Variants in G3BP2 observed in about 807,000 individuals in gnomAD.
G3BP2 encodes ras GTPase-activating protein-binding protein 2.
G3BP2 carries 11 observed loss-of-function variants against 56.7 expected under a neutral mutation model. The observed-to-expected ratio is 0.19, with a 90% CI of 0.12 to 0.32. The LOEUF (loss-of-function observed/expected upper bound fraction) is 0.32, where lower values mean the gene tolerates loss of function less well. G3BP2 is among the 10% of genes least tolerant of loss of function. The pLI, the probability that G3BP2 is intolerant of heterozygous loss-of-function variation, is 1.00. For synonymous variants in G3BP2, 165 were observed against 191.6 expected (o/e 0.86, Z 1.15); for missense variants, 340 against 610.9 (o/e 0.56, Z 4.67).
At position 75,673,097 on chromosome 4, in the gene G3BP2, C is replaced by T. The variant is rs1172453761; in HGVS notation, c.-25+111G>A. 1.9e-5 allele frequency: 20 copies of T among 1,049,998 alleles called. No individual in the cohort carries two copies. In the Admixed American group the frequency reaches 1.0e-3, roughly 52 times the overall value. The allele number at this position is 1,049,998 out of a possible 1,614,324, so 65.0% of individuals were successfully genotyped here. On this transcript the variant is annotated intron_variant, in intron 1 of 11. Transcript: ENST00000359707. ...CAAGAACAATGTCTCTGCCGCTACACCTCCGGCTCCCGGGCTCACACACCG... is the reference window on the plus strand; with the variant it reads ...CAAGAACAATGTCTCTGCCGCTACATCTCCGGCTCCCGGGCTCACACACCG...
intron 3 of G3BP2, among the ~76,000 whole-genome samples, chr4:75,687,230 C>A (rs1054153426): frequency 6.6e-6 from 1 of 152,062 alleles, no homozygotes; most frequent in African/African-American, 2.4e-5. Flanking sequence ...ATAACTGAAT[C>A]ATGGGGGTAG....
chr4:75,673,598 G>A (rs781046098), upstream of G3BP2: 12 of 1,231,616 alleles, frequency 9.7e-6, no homozygotes, highest in African/African-American at 1.1e-4. Context: ...GGAAAGCCGG[G>A]GAACCGGAAC....
chr4:75,715,914 C>T (rs1041817463), intron 3 of G3BP2, among the ~76,000 whole-genome samples: 1 of 152,144 alleles, frequency 6.6e-6, no homozygotes, highest in African/African-American at 2.4e-5. Context: ...TTCTCTGACC[C>T]AGATACTAGA....
chr4:75,693,422 A>G (rs1718954036), intron 3 of G3BP2, among the ~76,000 whole-genome samples: 1 of 152,004 alleles, frequency 6.6e-6, no homozygotes, highest in African/African-American at 2.4e-5. Flanking sequence ...TTTTGCAGCT[A>G]CAACCACCAC....
chr4:75,645,328 T>C lies in G3BP2; in HGVS notation c.*102A>G. 1.9e-6 allele frequency: 2 copies of C among 1,041,746 alleles called. No homozygotes were observed. Among genetic ancestry groups the C allele is most frequent in the Non-Finnish European group, 2.8e-6 (2 of 716,400 alleles). 64.5% of individuals were successfully genotyped at this position (1,041,746 alleles called of 1,614,324 possible). On this transcript the variant is annotated 3_prime_UTR_variant, in exon 12 of 12. Coordinates refer to ENST00000359707, the MANE Select transcript of G3BP2 (RefSeq NM_203505.3). ...GATGCTTTTCACATCAAAGAAATGA[T>C]CAAAAAGGCTGTGTCACATTCCAAA...
At position 75,643,946 on chromosome 4, in the gene G3BP2, A is replaced by T. The variant is rs1731044251; in HGVS notation, c.*1484T>A. On this transcript the variant is annotated 3_prime_UTR_variant, in exon 12 of 12. Coordinates refer to ENST00000359707, the MANE Select transcript of G3BP2 (RefSeq NM_203505.3). The stretch of plus-strand genomic sequence containing the variant: ...AGCAGCTACAAACTTTGCTCACAGA[A>T]TTGTTTAAAGATTCATGTAAAAATA... The T allele has an allele frequency of 6.6e-6, 1 of 152,650 alleles. No individual in the cohort carries two copies. The highest frequency in any genetic ancestry group is 6.5e-5 in the Admixed American group (1 of 15,284). The allele number at this position is 152,650 out of a possible 1,614,324, so 9.5% of individuals were successfully genotyped here.
At position 75,685,828 on chromosome 4, in the gene G3BP2, C is replaced by T. The variant is rs1256148635; in HGVS notation, c.-24-23779G>A. On this transcript the variant is annotated intron_variant, in intron 3 of 3. Coordinates refer to the G3BP2 transcript ENST00000499709. ...GTTCCTAAGTGGAAATAAACTGTCT[C>T]CTTTGGAGTAGTTTTGGAAACCAAA... Among the ~76,000 whole-genome samples, 3 of 152,124 alleles carry T rather than the reference C, an allele frequency of 2.0e-5. 1 individual carries two copies. The highest frequency in any genetic ancestry group is 2.0e-4 in the Admixed American group (3 of 15,258).
chr4:75,644,517 T>C lies in G3BP2; in HGVS notation c.*913A>G, dbSNP rs1020411545. ...TACAAAATTACCAGCAAGACTGGAA[T>C]GATGTATTAATAGAAGGCACCATCA... On this transcript the variant is annotated 3_prime_UTR_variant, in exon 12 of 12. Coordinates refer to ENST00000359707, the MANE Select transcript of G3BP2 (RefSeq NM_203505.3). The C allele has an allele frequency of 2.0e-5, 3 of 152,612 alleles. No individual in the cohort carries two copies. The highest frequency in any genetic ancestry group is 4.8e-5 in the African/African-American group (2 of 41,438). The allele number at this position is 152,612 out of a possible 1,614,324, so 9.5% of individuals were successfully genotyped here.
chr4:75,698,238 A>G (rs1261431618), intron 3 of G3BP2, among the ~76,000 whole-genome samples: 1 of 152,202 alleles, frequency 6.6e-6, no homozygotes, highest in Admixed American at 6.6e-5. Flanking sequence ...AATGTTAGAG[A>G]GAAGGCTATG....
At chr4:75,656,673 G>A (rs1732142477) in intron 5 of G3BP2, among the ~76,000 whole-genome samples, 1 of 152,006 alleles carries the variant, frequency 6.6e-6, no homozygotes, top group African/African-American at 2.4e-5. Flanking sequence ...TCTCCAATAG[G>A]CACCAAACTT....
chr4:75,657,782 A>G, intron 3 of G3BP2, 52 bp from the exon 4 acceptor site: 1 of 1,094,666 alleles, frequency 9.1e-7, no homozygotes, highest in Non-Finnish European at 1.4e-6. Flanking sequence ...TGCATTACCT[A>G]CACAATAATA....
intron 3 of G3BP2, among the ~76,000 whole-genome samples, chr4:75,709,724 C>T (rs1719686990): frequency 6.6e-6 from 1 of 151,994 alleles, no homozygotes; most frequent in Non-Finnish European, 1.5e-5. Flanking sequence ...GTTAGGGGGT[C>T]GTGTCTCATT....
chr4:75,673,210 C>A lies in G3BP2; in HGVS notation c.-27G>T. 8.3e-7 allele frequency: 1 copy of A among 1,208,924 alleles called. No individual in the cohort carries two copies. Among genetic ancestry groups the A allele is most frequent in the Non-Finnish European group, 1.0e-6 (1 of 973,544 alleles). 74.9% of individuals were successfully genotyped at this position (1,208,924 alleles called of 1,614,324 possible). On this transcript the variant is annotated splice_region_variant and 5_prime_UTR_variant, in exon 1 of 12. Coordinates refer to ENST00000359707, the MANE Select transcript of G3BP2 (RefSeq NM_203505.3). ...CCCCTCCCGGCGCCCGTACACACCTCCAGCCAACGGCGGCGGCGGGTACGT... is the reference window on the plus strand; with the variant it reads ...CCCCTCCCGGCGCCCGTACACACCTACAGCCAACGGCGGCGGCGGGTACGT...
At chr4:75,661,670 C>A in intron 2 of G3BP2, 1 of 264,410 alleles carries the variant, frequency 3.8e-6, no homozygotes, top group Non-Finnish European at 7.2e-6. Flanking sequence ...AAATAAAATA[C>A]TAGAGTACAT....
chr4:75,706,416 T>C (rs961644564), intron 3 of G3BP2, among the ~76,000 whole-genome samples: 1 of 152,214 alleles, frequency 6.6e-6, no homozygotes, highest in African/African-American at 2.4e-5. Flanking sequence ...TAGATTGGGC[T>C]TGAATCCTGA....
chr4:75,657,921 A>C (rs541530774), intron 3 of G3BP2, among the ~76,000 whole-genome samples, 191 bp from the exon 4 acceptor site: 2 of 152,326 alleles, frequency 1.3e-5, no homozygotes, highest in Non-Finnish European at 2.9e-5. Flanking sequence ...ATAGCTCTCC[A>C]ATATTGTGCA....
chr4:75,683,770 T>C (rs1718448969), intron 3 of G3BP2, among the ~76,000 whole-genome samples: 3 of 152,026 alleles, frequency 2.0e-5, no homozygotes, highest in Non-Finnish European at 4.4e-5. Context: ...CCCAGTTATC[T>C]CCCTTTTTCT....
At chr4:75,683,550 G>A (rs1424642362) in intron 3 of G3BP2, among the ~76,000 whole-genome samples, 4 of 151,620 alleles carry the variant, frequency 2.6e-5, no homozygotes, top group Admixed American at 6.6e-5. Flanking sequence ...GACAACGAGC[G>A]AAATTCCATC....
At chr4:75,673,541 T>G (rs143075194), upstream of G3BP2, 1 of 1,231,946 alleles carries the variant, frequency 8.1e-7, no homozygotes, top group African/African-American at 1.6e-5. Flanking sequence ...CGTGTCCCTC[T>G]GCGGAGCACG....
Sources: allele counts gnomAD v4.1 joint callset (sites outside exome capture counted in the v4.1 genomes callset), GRCh38; gene constraint gnomAD v4.1.1; transcripts MANE v1.5; gene names NCBI Gene and HGNC (gene_info 2026-07-23, HGNC 2026-07-21).